The following STXBP5 variants were observed in gnomAD, a reference collection of about 807,000 sequenced individuals.
STXBP5 encodes the protein syntaxin binding protein 5.
STXBP5 carries 50 observed loss-of-function variants against 152.4 expected under a neutral mutation model. The observed-to-expected ratio is 0.33, with a 90% CI of 0.26 to 0.42. The LOEUF (loss-of-function observed/expected upper bound fraction) is 0.42, where lower values mean the gene tolerates loss of function less well. STXBP5 is among the 10% of genes least tolerant of loss of function. The pLI, the probability that STXBP5 is intolerant of heterozygous loss-of-function variation, is 1.00. For synonymous variants in STXBP5, 492 were observed against 494.7 expected (o/e 0.99, Z 0.07); for missense variants, 1,167 against 1,388.6 (o/e 0.84, Z 2.54).
chr6:147,212,873 A>T (rs1176179113), intron 2 of STXBP5, among the ~76,000 whole-genome samples: 1 of 152,220 alleles, frequency 6.6e-6, no homozygotes, highest in Non-Finnish European at 1.5e-5. Flanking sequence ...TTTTCTGTGT[A>T]TAACAGATAA....
intron 3 of STXBP5, among the ~76,000 whole-genome samples, chr6:147,238,789 A>C (rs1778400382): frequency 6.6e-6 from 1 of 152,156 alleles, no homozygotes; most frequent in Non-Finnish European, 1.5e-5. Flanking sequence ...TGAAATGTGG[A>C]GGTTACTTCA....
At chr6:147,242,766 A>G (rs998396624) in intron 4 of STXBP5, among the ~76,000 whole-genome samples, 2 of 152,152 alleles carry the variant, frequency 1.3e-5, no homozygotes, top group Admixed American at 6.5e-5. Flanking sequence ...AGTATGCTCT[A>G]TGATGTTCAC....
intron 9 of STXBP5, among the ~76,000 whole-genome samples, chr6:147,300,947 T>G (rs1378856641): frequency 6.6e-6 from 1 of 150,970 alleles, no homozygotes; most frequent in Admixed American, 6.6e-5. Flanking sequence ...GGAACTCAGT[T>G]CAATAGCCAA....
Position 147,204,694 on chromosome 6 carries a change from G to T in STXBP5, c.150+12G>T, listed in dbSNP as rs1398583616. ...TTCAGCTCTGCAAGGTGAACGGAGC[G>T]CGCAGCCCCGCGACACCGTCATTGA... On this transcript the variant is annotated intron_variant, in intron 1 of 27. Coordinates refer to ENST00000321680, the MANE Select transcript of STXBP5 (RefSeq NM_001127715.4). This position sits in a 1 kb window ranked among gnomAD's most constrained non-coding sequence, Gnocchi z 4.3. 6.4e-7 allele frequency: 1 copy of T among 1,551,616 alleles called. No homozygotes were observed. Among genetic ancestry groups the T allele is most frequent in the African/African-American group, 1.4e-5 (1 of 71,918 alleles).
chr6:147,250,657 G>GT (rs1194152406), intron 4 of STXBP5, among the ~76,000 whole-genome samples: 19 of 152,072 alleles, frequency 1.2e-4, no homozygotes, highest in African/African-American at 4.6e-4. Flanking sequence ...TGCTGGGTGT[G>GT]TTTGGGAGCA....
Position 147,204,876 on chromosome 6 carries a change from C to G in STXBP5, c.150+194C>G, listed in dbSNP as rs1299617421. Reference sequence around the variant, plus strand: ...TGTTTTGGAGATTGATACCTTACTCCTTTTCATTGATTTTTCTCTCTCCCC... The same window carrying G: ...TGTTTTGGAGATTGATACCTTACTCGTTTTCATTGATTTTTCTCTCTCCCC... On this transcript the variant is annotated intron_variant, in intron 1 of 27. Coordinates refer to ENST00000321680, the MANE Select transcript of STXBP5 (RefSeq NM_001127715.4). The surrounding 1 kb of genome is among the most constrained non-coding windows in gnomAD (Gnocchi z 4.3). Among the ~76,000 whole-genome samples the G allele has an allele frequency of 6.6e-6, 1 of 152,164 alleles. No homozygotes were observed. The highest frequency in any genetic ancestry group is 2.4e-5 in the African/African-American group (1 of 41,432).
At chr6:147,261,844 T>C (rs1166226293) in intron 5 of STXBP5, among the ~76,000 whole-genome samples, 1 of 152,012 alleles carries the variant, frequency 6.6e-6, no homozygotes, top group Non-Finnish European at 1.5e-5. Context: ...GAACTTCTTT[T>C]TCTCTGAGCA....
chr6:147,352,871 T>G (rs990783775), intron 21 of STXBP5, among the ~76,000 whole-genome samples: 1 of 151,820 alleles, frequency 6.6e-6, no homozygotes, highest in African/African-American at 2.4e-5. Context: ...AAGTAAAAAC[T>G]TTTAAAAAGT....
intron 18 of STXBP5, among the ~76,000 whole-genome samples, chr6:147,331,823 A>AC (rs1349882306): frequency 6.6e-6 from 1 of 151,478 alleles, no homozygotes; most frequent in Non-Finnish European, 1.5e-5. Context: ...AAAAAAAAAA[A>AC]AAAACACACA....
At chr6:147,365,074 A>G (rs1785233873) in intron 25 of STXBP5, among the ~76,000 whole-genome samples, 1 of 152,138 alleles carries the variant, frequency 6.6e-6, no homozygotes, top group Non-Finnish European at 1.5e-5. Flanking sequence ...AGTGCATGTA[A>G]TGTGCTTAGC....
intron 7 of STXBP5, among the ~76,000 whole-genome samples, chr6:147,272,442 G>T (rs1223509099): frequency 6.6e-6 from 1 of 152,144 alleles, no homozygotes; most frequent in East Asian, 1.9e-4. Context: ...AAATTAACTT[G>T]TAATGTAAAC....
At chr6:147,353,760 AATAG>A (rs1784695543) in intron 22 of STXBP5, among the ~76,000 whole-genome samples, 1 of 152,160 alleles carries the variant, frequency 6.6e-6, no homozygotes, top group Non-Finnish European at 1.5e-5. Flanking sequence ...TAAAATTTAA[AATAG>A]ATTAACTTTT....
At chr6:147,311,555 C>G in intron 11 of STXBP5, 28 bp downstream of exon 11, 1 of 1,551,918 alleles carries the variant, frequency 6.4e-7, no homozygotes, top group Non-Finnish European at 8.9e-7. Context: ...GTGAGTGATT[C>G]TATCAGTATG....
At chr6:147,256,072 T>TA (rs1259449391) in intron 4 of STXBP5, among the ~76,000 whole-genome samples, 18 of 152,294 alleles carry the variant, frequency 1.2e-4, no homozygotes, top group Non-Finnish European at 2.1e-4. Flanking sequence ...GGTACAGACT[T>TA]ACTGAGTTTT....
intron 27 of STXBP5, 39 bp downstream of exon 27, chr6:147,383,037 G>C: frequency 6.2e-7 from 1 of 1,601,098 alleles, no homozygotes. Flanking sequence ...AAAAGCTCTA[G>C]GTAAAGCAAG....
chr6:147,207,759 T>G (rs1199528488), intron 2 of STXBP5, among the ~76,000 whole-genome samples: 1 of 152,198 alleles, frequency 6.6e-6, no homozygotes, highest in East Asian at 1.9e-4. Context: ...TTTCCCTTAT[T>G]TTGCTTTTCT....
At chr6:147,220,355 T>A (rs991907275) in intron 2 of STXBP5, among the ~76,000 whole-genome samples, 1 of 152,186 alleles carries the variant, frequency 6.6e-6, no homozygotes, top group Admixed American at 6.5e-5. Flanking sequence ...TTGCTGTTAT[T>A]GGATAACGTA....
chr6:147,236,074 A>G (rs962240758), intron 3 of STXBP5, among the ~76,000 whole-genome samples: 1 of 152,210 alleles, frequency 6.6e-6, no homozygotes, highest in African/African-American at 2.4e-5. Context: ...TCTTAAATGT[A>G]TGTGAGAGAA....
intron 21 of STXBP5, among the ~76,000 whole-genome samples, chr6:147,348,893 A>G (rs1054841354): frequency 3.3e-5 from 5 of 152,200 alleles, no homozygotes; most frequent in African/African-American, 1.2e-4. Context: ...TGATTTCTTT[A>G]TATAGTTGAT....
Sources: allele counts gnomAD v4.1 joint callset (sites outside exome capture counted in the v4.1 genomes callset), GRCh38; gene constraint gnomAD v4.1.1; non-coding constraint Gnocchi (gnomAD v3.1); transcripts MANE v1.5; gene names NCBI Gene and HGNC (gene_info 2026-07-23, HGNC 2026-07-21).